The following STK39 variants were observed in gnomAD, a reference collection of about 807,000 sequenced individuals.
STK39 encodes the protein STE20/SPS1-related proline-alanine-rich protein kinase.
A neutral mutation model predicts 77.8 loss-of-function variants in STK39; 20 were observed. That is an observed-to-expected ratio of 0.26 (90% confidence interval 0.18 to 0.37). The LOEUF is 0.37. Among genes scored for constraint, STK39 ranks in the 10% least tolerant of loss-of-function variants. The pLI, the probability that STK39 is intolerant of heterozygous loss-of-function variation, is 1.00. For missense variants in STK39, 479 were observed against 656.5 expected, an observed-to-expected ratio of 0.73 and a Z score of 2.95; for synonymous variants, 246 against 234.1, an observed-to-expected ratio of 1.05 and a Z score of -0.47.
intron 8 of STK39, among the ~76,000 whole-genome samples, chr2:168,135,491 T>C (rs899398114): frequency 1.8e-4 from 27 of 152,288 alleles, no homozygotes; most frequent in African/African-American, 6.0e-4. Flanking sequence ...TCTAGGAGGA[T>C]GTGGCATCTG....
chr2:167,975,341 C>T (rs1298927520), intron 16 of STK39, among the ~76,000 whole-genome samples: 4 of 151,694 alleles, frequency 2.6e-5, no homozygotes, highest in Admixed American at 1.3e-4. Flanking sequence ...CCCACTGAGA[C>T]GAGCAGAGGA....
rs542250816 is a variant in STK39 at position 168,157,753 on chromosome 2, T to C, written c.628+4034A>G. Among the ~76,000 whole-genome samples, 4 of 152,244 alleles carry C rather than the reference T, an allele frequency of 2.6e-5. No homozygotes were observed. The South Asian group carries it at 8.3e-4, about 32-fold the overall frequency. ...GTAATTAGGGTTCAACATATGAATT[T>C]GGAGGGCACACAAAATTCAAACCAC... On this transcript the variant is annotated intron_variant, in intron 5 of 17. Coordinates refer to ENST00000355999, the MANE Select transcript of STK39 (RefSeq NM_013233.3).
chr2:167,970,751 A>G (rs1692313021), intron 16 of STK39, among the ~76,000 whole-genome samples: 3 of 152,320 alleles, frequency 2.0e-5, no homozygotes, highest in African/African-American at 7.2e-5. Flanking sequence ...AACAAGCTCA[A>G]TCTCAGCAGC....
At position 167,954,529 on chromosome 2, in the gene STK39, G is replaced by C. The variant is rs199749843; in HGVS notation, c.*967C>G. Reference sequence around the variant, plus strand: ...AGAATAACAAATCCTATCACTTAAGGAGAGCCAAATCAGAGATGGGTATAT... The same window carrying C: ...AGAATAACAAATCCTATCACTTAAGCAGAGCCAAATCAGAGATGGGTATAT... On this transcript the variant is annotated 3_prime_UTR_variant, in exon 18 of 18. Coordinates refer to ENST00000355999, the MANE Select transcript of STK39 (RefSeq NM_013233.3). The C allele has an allele frequency of 2.6e-5, 4 of 152,530 alleles. No individual in the cohort carries two copies. Among genetic ancestry groups the C allele is most frequent in the African/African-American group, 9.7e-5 (4 of 41,398 alleles). The allele number at this position is 152,530 out of a possible 1,614,324, so 9.4% of individuals were successfully genotyped here. A position where few individuals can be genotyped will look rare whatever the true frequency, so the allele number is the denominator to read the frequency against.
chr2:168,221,943 C>A (rs974851318), intron 1 of STK39, among the ~76,000 whole-genome samples: 2 of 152,198 alleles, frequency 1.3e-5, no homozygotes, highest in East Asian at 1.9e-4. Context: ...ACTCTTCCCA[C>A]CCTGTTTCAC....
At chr2:168,048,497 C>A (rs1439781456) in intron 14 of STK39, among the ~76,000 whole-genome samples, 2 of 140,842 alleles carry the variant, frequency 1.4e-5, no homozygotes, top group African/African-American at 5.1e-5. Flanking sequence ...CAGGTGTGAG[C>A]CACCGCGCCC....
chr2:168,081,470 C>T (rs1686229233), intron 10 of STK39, among the ~76,000 whole-genome samples: 1 of 152,168 alleles, frequency 6.6e-6, no homozygotes, highest in African/African-American at 2.4e-5. Flanking sequence ...TCCTGTACCC[C>T]CACTGTATCT....
At chr2:168,047,112 T>C (rs1685264427) in intron 14 of STK39, among the ~76,000 whole-genome samples, 1 of 152,228 alleles carries the variant, frequency 6.6e-6, no homozygotes, top group Admixed American at 6.5e-5. Context: ...TTCTTTCAGA[T>C]GTTGGAGAAA....
chr2:167,984,943 T>C (rs923372099), intron 16 of STK39, among the ~76,000 whole-genome samples: 1 of 152,136 alleles, frequency 6.6e-6, no homozygotes, highest in African/African-American at 2.4e-5. Context: ...TGTTCTCACA[T>C]AGAATGTAAA....
intron 1 of STK39, among the ~76,000 whole-genome samples, chr2:168,202,882 A>G (rs1464787941): frequency 6.6e-6 from 1 of 152,202 alleles, no homozygotes; most frequent in Admixed American, 6.5e-5. Context: ...TTTGCCCTTA[A>G]GAGCAACAAA....
intron 1 of STK39, among the ~76,000 whole-genome samples, chr2:168,227,204 A>G (rs1281634655): frequency 1.3e-5 from 2 of 152,262 alleles, no homozygotes. Flanking sequence ...ATGTATACAT[A>G]GAAAAACATC....
intron 1 of STK39, among the ~76,000 whole-genome samples, chr2:168,187,019 A>G (rs1689226323): frequency 6.6e-6 from 1 of 152,238 alleles, no homozygotes; most frequent in African/African-American, 2.4e-5. Flanking sequence ...TCCATAGCAA[A>G]GATTGTCATG....
At chr2:168,059,437 C>G (rs183823510) in intron 14 of STK39, among the ~76,000 whole-genome samples, 54 of 152,150 alleles carry the variant, frequency 3.5e-4, no homozygotes, top group Non-Finnish European at 6.8e-4. Flanking sequence ...ACAGAAAGAC[C>G]GAGGCCTTGG....
At chr2:168,233,519 T>C (rs116501940) in intron 1 of STK39, among the ~76,000 whole-genome samples, 2,205 of 152,268 alleles carry the variant, frequency 0.014, 43 homozygotes, top group African/African-American at 0.045. Context: ...TGAGTTAGAA[T>C]TTCTATTAAG....
At chr2:168,010,519 A>C (rs922921429) in intron 16 of STK39, among the ~76,000 whole-genome samples, 2 of 152,204 alleles carry the variant, frequency 1.3e-5, no homozygotes, top group Non-Finnish European at 2.9e-5. Context: ...AAATCTCACA[A>C]GATTGTAAAG....
chr2:168,123,511 C>T (rs1323287138), intron 10 of STK39, among the ~76,000 whole-genome samples: 1 of 152,098 alleles, frequency 6.6e-6, no homozygotes, highest in Non-Finnish European at 1.5e-5. Context: ...AGAGAAAACA[C>T]ATACGAAAAT....
intron 10 of STK39, among the ~76,000 whole-genome samples, chr2:168,115,287 G>A (rs1376539181): frequency 2.6e-5 from 4 of 152,176 alleles, no homozygotes; most frequent in African/African-American, 4.8e-5. Flanking sequence ...GCATATATAC[G>A]CATGCACCCA....
intron 16 of STK39, among the ~76,000 whole-genome samples, chr2:167,999,834 G>A (rs552401504): frequency 4.6e-5 from 7 of 152,182 alleles, no homozygotes; most frequent in Non-Finnish European, 7.3e-5. Flanking sequence ...ACAAAGAGTG[G>A]TAGAAGGCTC....
intron 1 of STK39, among the ~76,000 whole-genome samples, chr2:168,218,724 G>A (rs1355552214): frequency 2.0e-5 from 3 of 152,168 alleles, no homozygotes; most frequent in Non-Finnish European, 4.4e-5. Flanking sequence ...AAAATCAAGT[G>A]TTAAGAAATA....
Sources: allele counts gnomAD v4.1 joint callset (sites outside exome capture counted in the v4.1 genomes callset), GRCh38; gene constraint gnomAD v4.1.1; transcripts MANE v1.5; gene names NCBI Gene and HGNC (gene_info 2026-07-23, HGNC 2026-07-21).